Variants in DHRSX observed in about 807,000 individuals in gnomAD.
DHRSX encodes the protein dehydrogenase/reductase X-linked.
A neutral mutation model predicts 34.0 loss-of-function variants in DHRSX; 31 were observed. The observed-to-expected ratio is 0.91, with a 90% CI of 0.69 to 1.23. The LOEUF (loss-of-function observed/expected upper bound fraction) is 1.23. Ranked by LOEUF, DHRSX falls within the 50% of genes most tolerant of loss-of-function variation. The probability of loss-of-function intolerance (pLI) is 0.00; values close to 1 mark genes in which losing one functional copy is unlikely to be tolerated. For missense variants in DHRSX, 414 were observed against 428.1 expected (o/e 0.97, Z 0.29); for synonymous variants, 201 against 183.8 (o/e 1.09, Z -0.76).
chrX:2,385,812 C>T (rs767804999), intron 3 of DHRSX, among the ~76,000 whole-genome samples: 3 of 152,236 alleles, frequency 2.0e-5, no homozygotes, highest in South Asian at 4.1e-4. Context: ...GCCGATGATG[C>T]TTCTTTGAAA....
intron 3 of DHRSX, among the ~76,000 whole-genome samples, chrX:2,312,866 C>A (rs1464485324): frequency 6.6e-6 from 1 of 152,106 alleles, no homozygotes; most frequent in East Asian, 1.9e-4. Context: ...TGCCCATGGG[C>A]CAGATCCAAT....
intron 1 of DHRSX, among the ~76,000 whole-genome samples, chrX:2,456,133 A>G (rs2124681198): frequency 6.6e-6 from 1 of 152,270 alleles, no homozygotes; most frequent in African/African-American, 2.4e-5. Flanking sequence ...CAGTCAACTC[A>G]CCACAGGGGT....
chrX:2,348,483 T>C (rs1160746537), intron 3 of DHRSX, among the ~76,000 whole-genome samples: 2 of 151,876 alleles, frequency 1.3e-5, no homozygotes, highest in Non-Finnish European at 2.9e-5. Context: ...TTACTTTCTT[T>C]CAAAAGAAAA....
intron 3 of DHRSX, among the ~76,000 whole-genome samples, chrX:2,382,603 C>CCAT (rs2043217407): frequency 1.7e-4 from 4 of 23,036 alleles, no homozygotes; most frequent in African/African-American, 4.6e-4. Flanking sequence ...ACCATCATCA[C>CCAT]CATCACCATC....
At chrX:2,325,161 C>G (rs1182494401) in intron 3 of DHRSX, among the ~76,000 whole-genome samples, 4 of 152,102 alleles carry the variant, frequency 2.6e-5, no homozygotes, top group Non-Finnish European at 5.9e-5. Context: ...CACAAGCCAG[C>G]TGGGAGCTTG....
chrX:2,307,465 A>G (rs1237522221), intron 3 of DHRSX, among the ~76,000 whole-genome samples: 1 of 152,110 alleles, frequency 6.6e-6, no homozygotes, highest in Non-Finnish European at 1.5e-5. Context: ...ATTTTTTTTA[A>G]AAGAAAACAA....
chrX:2,320,381 A>C, intron 3 of DHRSX, among the ~76,000 whole-genome samples: 1 of 140,908 alleles, frequency 7.1e-6, no homozygotes. Flanking sequence ...TGCAACCTCC[A>C]CCTCCCAGGT....
chrX:2,416,529 C>T (rs2043695418), intron 2 of DHRSX, among the ~76,000 whole-genome samples: 1 of 152,140 alleles, frequency 6.6e-6, no homozygotes. Flanking sequence ...ATAGACTTTC[C>T]TGTTGTTTTA....
intron 1 of DHRSX, among the ~76,000 whole-genome samples, chrX:2,469,003 AAGAC>A (rs1253292614): frequency 3.4e-5 from 5 of 145,678 alleles, no homozygotes; most frequent in Non-Finnish European, 6.1e-5. Context: ...ATGCCGCTAA[AAGAC>A]AGCACTGAAG....
intron 3 of DHRSX, among the ~76,000 whole-genome samples, chrX:2,353,276 T>C (rs1287186240): frequency 6.6e-6 from 1 of 152,046 alleles, no homozygotes; most frequent in African/African-American, 2.4e-5. Context: ...ACCATCTTCC[T>C]GAAGCCATGT....
chrX:2,469,799 C>T (rs760903111), intron 1 of DHRSX, among the ~76,000 whole-genome samples: 79 of 152,284 alleles, frequency 5.2e-4, no homozygotes, highest in African/African-American at 1.7e-3. Context: ...GCCAAGGGAC[C>T]GCCACCTTGT....
chrX:2,282,296 G>A (rs1390859360), intron 4 of DHRSX, among the ~76,000 whole-genome samples: 6 of 282 alleles, frequency 0.021, no homozygotes, highest in Non-Finnish European at 0.062. Flanking sequence ...GGGAAAGAGA[G>A]AGAGAGATGG....
intron 5 of DHRSX, among the ~76,000 whole-genome samples, chrX:2,253,853 T>G (rs2016498826): frequency 1.3e-5 from 2 of 152,148 alleles, no homozygotes; most frequent in East Asian, 1.9e-4. Context: ...GAGGTCAGAA[T>G]ATCGAGACCA....
At chrX:2,440,703 G>A (rs1005528101) in intron 1 of DHRSX, among the ~76,000 whole-genome samples, 10 of 152,036 alleles carry the variant, frequency 6.6e-5, no homozygotes, top group African/African-American at 2.4e-4. Context: ...TTTGCCAGGG[G>A]CTCCTGGACC....
intron 6 of DHRSX, among the ~76,000 whole-genome samples, chrX:2,231,953 T>TC (rs1170331740): frequency 6.1e-4 from 3 of 4,906 alleles, no homozygotes; most frequent in Admixed American, 2.7e-3. Context: ...CTCCTCCTTC[T>TC]CTTTTCTTTC....
intron 6 of DHRSX, among the ~76,000 whole-genome samples, chrX:2,229,805 A>C (rs2015826502): frequency 1.3e-5 from 2 of 152,036 alleles, no homozygotes; most frequent in African/African-American, 4.8e-5. Flanking sequence ...GTGTGTTTGC[A>C]CATGTGTATA....
intron 1 of DHRSX, among the ~76,000 whole-genome samples, chrX:2,442,072 T>C (rs1433279923): frequency 6.6e-6 from 1 of 152,210 alleles, no homozygotes; most frequent in Non-Finnish European, 1.5e-5. Context: ...ATATATATTA[T>C]ATACTACATT....
intron 3 of DHRSX, among the ~76,000 whole-genome samples, chrX:2,301,514 G>A (rs2042008828): frequency 6.6e-6 from 1 of 152,206 alleles, no homozygotes; most frequent in South Asian, 2.1e-4. Flanking sequence ...GTTAGCTTTG[G>A]TCTTATTGCT....
chrX:2,486,131 C>G (rs745738123), intron 1 of DHRSX, among the ~76,000 whole-genome samples: 50 of 152,170 alleles, frequency 3.3e-4, no homozygotes, highest in Admixed American at 6.5e-4. Context: ...CAACTATCCA[C>G]TAAGTGAAGG....
Sources: allele counts gnomAD v4.1 joint callset (sites outside exome capture counted in the v4.1 genomes callset), GRCh38; gene constraint gnomAD v4.1.1; transcripts MANE v1.5; gene names NCBI Gene and HGNC (gene_info 2026-07-23, HGNC 2026-07-21).